Variants in MAML3 observed in about 807,000 individuals in gnomAD.
The protein encoded by MAML3 is mastermind-like protein 3.
In MAML3, 27 loss-of-function variants were observed where a neutral mutation model predicts 101.9. The ratio of observed to expected loss-of-function variants is 0.27; its 90% confidence interval spans 0.20 to 0.37. The LOEUF is 0.37. Among genes scored for constraint, MAML3 ranks in the 10% least tolerant of loss-of-function variants. The probability of loss-of-function intolerance (pLI) is 1.00; values close to 1 mark genes in which losing one functional copy is unlikely to be tolerated. For missense variants in MAML3, 1,316 were observed against 1,444.9 expected (o/e 0.91, Z 1.45); for synonymous variants, 501 against 555.9 (o/e 0.90, Z 1.39).
At position 139,730,441 on chromosome 4, in the gene MAML3, TGC is replaced by T. The variant is rs1728655253; in HGVS notation, c.2304_2305del (p.Gln769AlafsTer93). 1.0e-5 allele frequency: 16 copies of T among 1,550,030 alleles called. No individual in the cohort carries two copies. The highest frequency in any genetic ancestry group is 1.4e-5 in the African/African-American group (1 of 73,054). ...CTGTTCCGCCAAAATCTGCTGCTGCTGCTGCTGCTGCTGCTGCCTTTGCTCCC... is the reference window on the plus strand; with the variant it reads ...CTGTTCCGCCAAAATCTGCTGCTGCTTGCTGCTGCTGCTGCCTTTGCTCCC... On this transcript the variant is annotated frameshift_variant, in exon 3 of 5. Transcript: ENST00000509479. LOFTEE classifies it high-confidence loss of function.
At chr4:139,817,702 ACTC>A (rs1238718749) in intron 2 of MAML3, among the ~76,000 whole-genome samples, 33 of 152,072 alleles carry the variant, frequency 2.2e-4, no homozygotes, top group Admixed American at 4.6e-4. Flanking sequence ...ATCCTATCAC[ACTC>A]CTCCTTGAAA....
At chr4:139,724,032 C>T (rs79461589) in intron 4 of MAML3, among the ~76,000 whole-genome samples, 1,900 of 152,254 alleles carry the variant, frequency 0.012, 21 homozygotes, top group African/African-American at 0.043. Flanking sequence ...TGACTAGTCC[C>T]CACTCTTCCG....
chr4:139,818,513 T>C (rs115372071), intron 2 of MAML3, among the ~76,000 whole-genome samples: 1,857 of 152,314 alleles, frequency 0.012, 40 homozygotes, highest in African/African-American at 0.042. Flanking sequence ...AATTCCTTCC[T>C]ACTCATGACT....
At position 139,720,225 on chromosome 4, in the gene MAML3, C is replaced by G. The variant is rs1288265653; in HGVS notation, c.2515G>C (p.Gly839Arg). The G allele has an allele frequency of 1.9e-6, 3 of 1,612,412 alleles. No individual in the cohort carries two copies. In the African/African-American group the frequency reaches 4.0e-5, roughly 21 times the overall value. ...MAQNAGMMGI[G>R]PSQNPGTMAT... ...ATCGTCCCAGGGTTCTGGGAGGGTC[C>G]TATTCCCATCATGCCTGCGTTCTGT... The change falls in exon 5 of 5, where the codon GGA (glycine) becomes CGA (arginine). Residue 839 changes from glycine to arginine, a missense_variant. By Grantham distance (125) the Gly-to-Arg change is moderately radical (BLOSUM62 -2). Coordinates refer to ENST00000509479, the MANE Select transcript of MAML3 (RefSeq NM_018717.5).
intron 1 of MAML3, among the ~76,000 whole-genome samples, chr4:140,104,421 A>ATATATATATAT (rs1728315556): frequency 6.3e-5 from 2 of 31,616 alleles, no homozygotes; most frequent in Non-Finnish European, 1.6e-4. Context: ...ATAATATATA[A>ATATATATATAT]TATACACGAA....
intron 1 of MAML3, among the ~76,000 whole-genome samples, chr4:139,931,374 A>G (rs1733390497): frequency 6.6e-6 from 1 of 152,182 alleles, no homozygotes; most frequent in African/African-American, 2.4e-5. Flanking sequence ...GAACCAGCAC[A>G]CTTAGGACAC....
intron 1 of MAML3, among the ~76,000 whole-genome samples, chr4:140,104,317 C>A: frequency 1.0e-5 from 1 of 97,032 alleles, no homozygotes; most frequent in Non-Finnish European, 2.0e-5. Flanking sequence ...CTCAGGAGGT[C>A]AAGGCTGCAG....
At chr4:140,128,207 A>G (rs1728714627) in intron 1 of MAML3, 1 of 152,236 alleles carries the variant, frequency 6.6e-6, no homozygotes, top group African/African-American at 2.4e-5. Flanking sequence ...AGAACAATAC[A>G]AGGTAAGATC....
chr4:140,027,844 A>C (rs771445260), intron 1 of MAML3, among the ~76,000 whole-genome samples: 3 of 152,204 alleles, frequency 2.0e-5, no homozygotes, highest in Non-Finnish European at 2.9e-5. Flanking sequence ...AGATATAATA[A>C]TATATCTAGT....
At chr4:140,100,276 C>G (rs1210655330) in intron 1 of MAML3, among the ~76,000 whole-genome samples, 1 of 152,206 alleles carries the variant, frequency 6.6e-6, no homozygotes, top group Non-Finnish European at 1.5e-5. Flanking sequence ...ACTCATGTGT[C>G]TATGCCTTTC....
At chr4:140,100,761 T>C (rs1197539989) in intron 1 of MAML3, among the ~76,000 whole-genome samples, 2 of 152,210 alleles carry the variant, frequency 1.3e-5, no homozygotes, top group African/African-American at 4.8e-5. Context: ...GATGTGTCTA[T>C]TCCACAACCT....
chr4:139,813,475 C>A (rs1320245905), intron 2 of MAML3, among the ~76,000 whole-genome samples: 1 of 152,078 alleles, frequency 6.6e-6, no homozygotes, highest in Non-Finnish European at 1.5e-5. Context: ...TTGGTGGCAA[C>A]CTTGGAAGCA....
intron 2 of MAML3, among the ~76,000 whole-genome samples, chr4:139,886,357 G>A (rs1383426313): frequency 6.6e-6 from 1 of 151,492 alleles, no homozygotes; most frequent in Non-Finnish European, 1.5e-5. Flanking sequence ...TTTCCCAGAG[G>A]GTAGAATTAA....
At chr4:139,962,127 T>G (rs528249360) in intron 1 of MAML3, among the ~76,000 whole-genome samples, 17 of 151,904 alleles carry the variant, frequency 1.1e-4, no homozygotes, top group African/African-American at 3.6e-4. Flanking sequence ...TGTTTTTGTT[T>G]TTTTTTTTTA....
chr4:140,072,004 C>G (rs369430128), intron 1 of MAML3, among the ~76,000 whole-genome samples: 3 of 152,264 alleles, frequency 2.0e-5, no homozygotes, highest in African/African-American at 7.2e-5. Flanking sequence ...GAACAGACAG[C>G]CTGTTGTGAT....
chr4:140,106,390 G>T (rs545422724), intron 1 of MAML3, among the ~76,000 whole-genome samples: 1 of 152,244 alleles, frequency 6.6e-6, no homozygotes, highest in Admixed American at 6.5e-5. Context: ...TTCCTTACAT[G>T]ATACACATGG....
In MAML3 at chr4:139,989,389, G is replaced by A. The variant is rs1398218660; in HGVS notation, c.469-98422C>T. Among the ~76,000 whole-genome samples the A allele has an allele frequency of 3.3e-5, 5 of 152,340 alleles. No individual in the cohort carries two copies. In the East Asian group the frequency reaches 9.6e-4, roughly 29 times the overall value. On this transcript the variant is annotated intron_variant, in intron 1 of 4. Coordinates refer to ENST00000509479, the MANE Select transcript of MAML3 (RefSeq NM_018717.5). The stretch of plus-strand genomic sequence containing the variant: ...AGAACCATCGGCCTCCCCTGCGGCA[G>A]CATCTAAGGATGAAACACGCCCGAC...
chr4:139,891,651 T>G (rs1024430297), intron 1 of MAML3, among the ~76,000 whole-genome samples: 1 of 152,080 alleles, frequency 6.6e-6, no homozygotes, highest in Non-Finnish European at 1.5e-5. Flanking sequence ...TTGCCACAAC[T>G]TAAATGAGAA....
At chr4:140,082,393 G>A (rs114459183) in intron 1 of MAML3, among the ~76,000 whole-genome samples, 2,961 of 152,284 alleles carry the variant, frequency 0.019, 60 homozygotes, top group Non-Finnish European at 0.031. Context: ...CCAAAGCAGC[G>A]ACTGCCTCTG....
Sources: gnomAD v4.1 joint callset for allele counts (sites outside exome capture counted in the v4.1 genomes callset) on GRCh38, gnomAD v4.1.1 for gene constraint, MANE v1.5 for transcripts, NCBI Gene and HGNC (gene_info 2026-07-23, HGNC 2026-07-21) for gene names.